TBCK: variants seen among roughly 807,000 people sequenced by gnomAD.
The protein encoded by TBCK is TBC domain-containing protein kinase-like protein.
In TBCK, 99 loss-of-function variants were observed where a neutral mutation model predicts 113.4. That is an observed-to-expected ratio of 0.87 (90% CI 0.74 to 1.03). The LOEUF (loss-of-function observed/expected upper bound fraction) is 1.03, where lower values mean the gene tolerates loss of function less well. TBCK is among the 50% of genes least tolerant of loss of function. TBCK has a pLI of 0.00. For synonymous variants in TBCK, 369 were observed against 370.8 expected (o/e 1.00, Z 0.05); for missense variants, 1,045 against 1,061.3 (o/e 0.98, Z 0.21).
intron 5 of TBCK, chr4:106,254,996 T>G (rs1483390134): frequency 4.0e-6 from 1 of 250,378 alleles, no homozygotes; most frequent in African/African-American, 2.3e-5. Context: ...GTGTTTGTTC[T>G]TCTCTACATA....
chr4:106,178,925 T>A (rs1178596078), intron 22 of TBCK, among the ~76,000 whole-genome samples: 1 of 151,990 alleles, frequency 6.6e-6, no homozygotes, highest in Non-Finnish European at 1.5e-5. Context: ...TAATTGTTGA[T>A]CTGTTCAGGT....
At chr4:106,065,443 T>G (rs890797638) in intron 25 of TBCK, among the ~76,000 whole-genome samples, 16 of 152,054 alleles carry the variant, frequency 1.1e-4, no homozygotes, top group Non-Finnish European at 1.6e-4. Context: ...GAGTGAGACT[T>G]TGCCGTGTTT....
At chr4:106,138,875 C>G (rs774274693) in intron 23 of TBCK, among the ~76,000 whole-genome samples, 1 of 141,000 alleles carries the variant, frequency 7.1e-6, no homozygotes, top group Non-Finnish European at 1.6e-5. Flanking sequence ...GCTATTCACA[C>G]AGCACCGTTA....
At chr4:106,307,287 T>C (rs1372609980) in intron 2 of TBCK, among the ~76,000 whole-genome samples, 6 of 152,196 alleles carry the variant, frequency 3.9e-5, no homozygotes, top group Admixed American at 3.3e-4. Flanking sequence ...TTTTCTTATC[T>C]GTAAAATGAC....
Position 106,146,795 on chromosome 4 carries a change from A to C in TBCK, c.2235+24300T>G, listed in dbSNP as rs1747858561. On this transcript the variant is annotated intron_variant, in intron 23 of 25. Coordinates refer to ENST00000394708, the MANE Select transcript of TBCK (RefSeq NM_001163435.3). The stretch of plus-strand genomic sequence containing the variant: ...ACAGTGAAGTTTGCTGCATCAATGG[A>C]CTCTTCCTTTCACAAAAGATTTCTC... 2.6e-5 allele frequency among the ~76,000 whole-genome samples: 4 copies of C among 151,988 alleles called. No homozygotes were observed. In the South Asian group the frequency reaches 8.3e-4, roughly 32 times the overall value.
rs201779302 is a variant in TBCK, at chr4:106,171,208, C to A, written c.2122G>T (p.Ala708Ser). The part of the protein sequence containing the change: ...INLFCWTPKS[A>S]TYRQHAQPPK... ...GGTTGAGCATGCTGTCTGTAAGTAG[C>A]ACTTTTAGGAGTCCAACAAAACAGG... Residue 708 changes from alanine to serine, a missense_variant, in exon 23 of 26, where the codon GCT (alanine) becomes TCT (serine). By Grantham distance (99) the Ala-to-Ser change is moderately conservative (BLOSUM62 1). Transcript: ENST00000394708. The A allele has an allele frequency of 6.2e-7, 1 of 1,612,472 alleles. No individual in the cohort carries two copies. Among genetic ancestry groups the A allele is most frequent in the Non-Finnish European group, 8.5e-7 (1 of 1,179,258 alleles).
intron 23 of TBCK, among the ~76,000 whole-genome samples, chr4:106,132,509 C>G (rs569226057): frequency 1.3e-5 from 2 of 152,220 alleles, no homozygotes; most frequent in Non-Finnish European, 2.9e-5. Context: ...ACCTGGACGT[C>G]CATGCAAAAG....
At chr4:106,219,023 T>C (rs987902041) in intron 19 of TBCK, among the ~76,000 whole-genome samples, 2 of 151,706 alleles carry the variant, frequency 1.3e-5, no homozygotes, top group African/African-American at 2.4e-5. Flanking sequence ...ATATACACCA[T>C]GGAATACTAT....
intron 11 of TBCK, 36 bp from the exon 12 acceptor site, chr4:106,242,605 A>C: frequency 2.8e-6 from 4 of 1,416,852 alleles, no homozygotes; most frequent in Non-Finnish European, 3.9e-6. Context: ...ATGTACACAA[A>C]ATCCAGTTTA....
chr4:106,150,506 A>G (rs1190580114), intron 23 of TBCK, among the ~76,000 whole-genome samples: 1 of 152,106 alleles, frequency 6.6e-6, no homozygotes, highest in Admixed American at 6.5e-5. Flanking sequence ...ACTTTCAACA[A>G]CTATTATAGA....
chr4:106,303,319 A>G (rs1767146733), intron 2 of TBCK, among the ~76,000 whole-genome samples: 1 of 152,168 alleles, frequency 6.6e-6, no homozygotes, highest in Non-Finnish European at 1.5e-5. Context: ...ACTCTACACC[A>G]GTGCTTTTAA....
chr4:106,109,658 A>C (rs1466197921), intron 24 of TBCK, among the ~76,000 whole-genome samples: 1 of 152,232 alleles, frequency 6.6e-6, no homozygotes, highest in Non-Finnish European at 1.5e-5. Flanking sequence ...TGTAAAACCC[A>C]AAACTATAAA....
intron 19 of TBCK, among the ~76,000 whole-genome samples, chr4:106,221,507 T>C (rs866049270): frequency 5.3e-5 from 8 of 152,170 alleles, no homozygotes; most frequent in African/African-American, 1.9e-4. Context: ...TACAAAGTTC[T>C]GTCTCTAAAG....
chr4:106,090,495 C>A (rs1310477741), intron 25 of TBCK, among the ~76,000 whole-genome samples: 1 of 152,200 alleles, frequency 6.6e-6, no homozygotes, highest in African/African-American at 2.4e-5. Context: ...TCACGCTAAT[C>A]TCTCTAGCAA....
intron 20 of TBCK, among the ~76,000 whole-genome samples, chr4:106,197,343 T>A (rs1579206205): frequency 9.5e-6 from 1 of 105,616 alleles, no homozygotes; most frequent in Non-Finnish European, 2.2e-5. Flanking sequence ...TACTGAAGAG[T>A]GTGTGTGTGT....
At chr4:106,109,154 C>A (rs1052192006) in intron 24 of TBCK, among the ~76,000 whole-genome samples, 1 of 152,032 alleles carries the variant, frequency 6.6e-6, no homozygotes, top group African/African-American at 2.4e-5. Flanking sequence ...GAAAGACATC[C>A]CATGCTATGG....
chr4:106,122,356 C>T (rs1378692950), intron 23 of TBCK, among the ~76,000 whole-genome samples: 1 of 152,118 alleles, frequency 6.6e-6, no homozygotes, highest in African/African-American at 2.4e-5. Context: ...AGACCAATAA[C>T]AGGAGCTGAA....
rs4956174 is a variant in TBCK, at chr4:106,296,948, T to C, written c.194-1782A>G. 2.7e-3 allele frequency among the ~76,000 whole-genome samples: 412 copies of C among 152,204 alleles called. 7 individuals carry two copies. The East Asian group carries it at 0.041, about 15-fold the overall frequency. ...CAAGCAATTTAGTACAACAGTGAAA[T>C]TCCAGAAGAAAAAAGCAGGCAACAT... On this transcript the variant is annotated intron_variant, in intron 2 of 25. Transcript: ENST00000394708.
intron 24 of TBCK, 104 bp downstream of exon 24, chr4:106,116,099 G>A: frequency 8.9e-7 from 1 of 1,128,970 alleles, no homozygotes; most frequent in Admixed American, 2.5e-5. Flanking sequence ...CTTGAATTCA[G>A]AAGAATCCCA....
Sources: allele counts gnomAD v4.1 joint callset (sites outside exome capture counted in the v4.1 genomes callset), GRCh38; gene constraint gnomAD v4.1.1; transcripts MANE v1.5; gene names NCBI Gene and HGNC (gene_info 2026-07-23, HGNC 2026-07-21).